The following CAST variants were observed in gnomAD, a reference collection of about 807,000 sequenced individuals.
CAST encodes the protein calpastatin, also known as MIR583 host.
A neutral mutation model predicts 119.6 loss-of-function variants in CAST; 76 were observed. The ratio of observed to expected loss-of-function variants is 0.64; its 90% confidence interval spans 0.53 to 0.77. The LOEUF is 0.77. CAST is among the 30% of genes least tolerant of loss of function. CAST has a pLI of 0.00. For synonymous variants in CAST, 319 were observed against 331.6 expected (o/e 0.96, Z 0.41); for missense variants, 953 against 946.5 (o/e 1.01, Z -0.09).
intron 1 of CAST, among the ~76,000 whole-genome samples, chr5:96,535,564 A>AT (rs767087154): frequency 0.012 from 1,026 of 88,426 alleles, 38 homozygotes; most frequent in Non-Finnish European, 0.015. Flanking sequence ...TAAATAAACA[A>AT]TTTTTTTTTT....
chr5:96,363,469 A>G, the CAST span, among the ~76,000 whole-genome samples: 1 of 152,190 alleles, frequency 6.6e-6, no homozygotes, highest in Non-Finnish European at 1.5e-5. Flanking sequence ...ACCCATGAGC[A>G]TGGAGTGTTC....
the CAST span, among the ~76,000 whole-genome samples, chr5:96,208,808 G>T: frequency 1.3e-5 from 2 of 151,874 alleles, no homozygotes; most frequent in Non-Finnish European, 2.9e-5. Flanking sequence ...CTCTTTTGGG[G>T]TACAGAGTTC....
chr5:96,736,346 A>G (rs1288194827), intron 10 of CAST, 106 bp downstream of exon 10: 1 of 636,906 alleles, frequency 1.6e-6, no homozygotes, highest in Non-Finnish European at 2.7e-6. Flanking sequence ...GGTAATTTAA[A>G]GGACCATTTT....
At chr5:96,417,746 CTTT>C in the CAST span, among the ~76,000 whole-genome samples, 1 of 152,206 alleles carries the variant, frequency 6.6e-6, no homozygotes. Flanking sequence ...AGTTAGGATT[CTTT>C]CATTTGCAAC....
chr5:96,733,274 C>A (rs1478175862), intron 9 of CAST, among the ~76,000 whole-genome samples: 1 of 152,120 alleles, frequency 6.6e-6, no homozygotes, highest in Non-Finnish European at 1.5e-5. Context: ...GGAATGCTTA[C>A]ATGAAATGGT....
rs1190970853 is a variant in CAST, at chr5:96,688,270, G to A, written c.139-7566G>A. Reference sequence around the variant, plus strand: ...AAAACTCACCAACAATTTTGAAAATGTTAGAAATATGATTAAACTTTTCCT... The same window carrying A: ...AAAACTCACCAACAATTTTGAAAATATTAGAAATATGATTAAACTTTTCCT... On this transcript the variant is annotated intron_variant, in intron 2 of 31. Transcript: ENST00000675179. Among the ~76,000 whole-genome samples, 3 of 152,152 alleles carry A rather than the reference G, an allele frequency of 2.0e-5. No individual in the cohort carries two copies. In the East Asian group the frequency reaches 5.8e-4, roughly 29 times the overall value.
chr5:96,584,399 T>C (rs1032313233), intron 1 of CAST: 2 of 152,262 alleles, frequency 1.3e-5, no homozygotes, highest in African/African-American at 4.8e-5. Flanking sequence ...TGGGGACCCC[T>C]GACCTAGATG....
intron 1 of CAST, among the ~76,000 whole-genome samples, chr5:96,534,742 A>AG (rs561170657): frequency 0.29 from 8,769 of 30,746 alleles, 1,889 homozygotes; most frequent in Middle Eastern, 0.43. Context: ...AGAGAGAGAG[A>AG]AAGAAAGAAA....
intron 1 of CAST, among the ~76,000 whole-genome samples, chr5:96,550,908 G>A (rs1392795752): frequency 2.0e-5 from 3 of 152,150 alleles, no homozygotes; most frequent in South Asian, 2.1e-4. Context: ...CAAGAAATAC[G>A]GGACTATGTG....
At chr5:96,214,463 C>T in the CAST span, among the ~76,000 whole-genome samples, 1 of 152,098 alleles carries the variant, frequency 6.6e-6, no homozygotes, top group East Asian at 1.9e-4. Flanking sequence ...GGAGGAAAGC[C>T]TAATACTCCA....
At chr5:96,282,336 G>GA in the CAST span, among the ~76,000 whole-genome samples, 1 of 152,102 alleles carries the variant, frequency 6.6e-6, no homozygotes, top group African/African-American at 2.4e-5. Context: ...TTCGCTGAGT[G>GA]AAAAAAATCT....
chr5:96,406,441 T>C, the CAST span, among the ~76,000 whole-genome samples: 4 of 152,224 alleles, frequency 2.6e-5, no homozygotes, highest in African/African-American at 9.6e-5. Flanking sequence ...CTATTTCTAA[T>C]TGAGCACCTG....
chr5:96,410,868 G>A, the CAST span: 1 of 1,613,908 alleles, frequency 6.2e-7, no homozygotes, highest in Non-Finnish European at 8.5e-7. Context: ...TTGCTGGGAG[G>A]CACTGCTGAT....
chr5:96,103,603 T>A, the CAST span, among the ~76,000 whole-genome samples: 1 of 151,658 alleles, frequency 6.6e-6, no homozygotes, highest in Non-Finnish European at 1.5e-5. Flanking sequence ...TCTATCATTG[T>A]TGGACATTTG....
chr5:96,049,527 T>TGTA, the CAST span, among the ~76,000 whole-genome samples: 75 of 152,256 alleles, frequency 4.9e-4, no homozygotes, highest in East Asian at 1.9e-4. Flanking sequence ...AGGGGCTGAT[T>TGTA]GAATGCCTCA....
At chr5:96,055,698 A>C in the CAST span, among the ~76,000 whole-genome samples, 1 of 152,084 alleles carries the variant, frequency 6.6e-6, no homozygotes, top group Non-Finnish European at 1.5e-5. Flanking sequence ...GGCTTTGATA[A>C]TTTTTCAGCA....
intron 14 of CAST, 34 bp from the exon 15 acceptor site, chr5:96,741,460 C>A (rs1336922894): frequency 2.6e-6 from 4 of 1,545,312 alleles, no homozygotes; most frequent in Non-Finnish European, 3.6e-6. Flanking sequence ...CTTTCCTCAT[C>A]TGTAAGTCTA....
At chr5:96,198,450 G>C in the CAST span, among the ~76,000 whole-genome samples, 3 of 152,030 alleles carry the variant, frequency 2.0e-5, no homozygotes, top group Admixed American at 6.6e-5. Flanking sequence ...TGTTTCTGAA[G>C]TGGGGACCAG....
the CAST span, among the ~76,000 whole-genome samples, chr5:96,352,253 A>G: frequency 6.6e-6 from 1 of 152,284 alleles, no homozygotes; most frequent in East Asian, 1.9e-4. Flanking sequence ...AGTGAATTCA[A>G]AAGTCTGATG....
Sources: allele counts gnomAD v4.1 joint callset (sites outside exome capture counted in the v4.1 genomes callset), GRCh38; gene constraint gnomAD v4.1.1; transcripts MANE v1.5; gene names NCBI Gene and HGNC (gene_info 2026-07-23, HGNC 2026-07-21).